The following ESRRG variants were observed in gnomAD, a reference collection of about 807,000 sequenced individuals.
ESRRG encodes estrogen-related receptor gamma.
ESRRG carries 13 observed loss-of-function variants against 44.0 expected under a neutral mutation model. That is an observed-to-expected ratio of 0.30 (90% CI 0.19 to 0.47). The LOEUF (loss-of-function observed/expected upper bound fraction) is 0.47, where lower values mean the gene tolerates loss of function less well. ESRRG is among the 20% of genes least tolerant of loss of function. ESRRG has a pLI of 1.00. For missense variants in ESRRG, 395 were observed against 580.6 expected, an observed-to-expected ratio of 0.68 and a Z score of 3.29; for synonymous variants, 215 against 214.6, an observed-to-expected ratio of 1.00 and a Z score of -0.02.
At chr1:216,710,435 C>A (rs542366070) in intron 1 of ESRRG, among the ~76,000 whole-genome samples, 8 of 152,156 alleles carry the variant, frequency 5.3e-5, no homozygotes, top group Admixed American at 2.6e-4. Flanking sequence ...AGTTTGCCTG[C>A]CACTAAACAA....
chr1:216,625,771 C>T (rs551481469), intron 3 of ESRRG, among the ~76,000 whole-genome samples: 119 of 152,316 alleles, frequency 7.8e-4, no homozygotes, highest in African/African-American at 2.8e-3. Context: ...TGAGCTTCTA[C>T]ATACATATAC....
intron 2 of ESRRG, among the ~76,000 whole-genome samples, chr1:216,933,220 C>T (rs538114177): frequency 8.5e-5 from 13 of 152,058 alleles, no homozygotes; most frequent in African/African-American, 2.9e-4. Context: ...ACAATATATG[C>T]TAATTATAAT....
intron 1 of ESRRG, among the ~76,000 whole-genome samples, chr1:217,082,565 A>G (rs1368204958): frequency 1.3e-5 from 2 of 152,100 alleles, no homozygotes; most frequent in African/African-American, 4.8e-5. Flanking sequence ...GGATACGTGC[A>G]CACACTAGTT....
intron 4 of ESRRG, 83 bp downstream of exon 4, chr1:216,567,905 A>T (rs1451458948): frequency 1.2e-6 from 1 of 838,226 alleles, no homozygotes; most frequent in East Asian, 2.5e-5. Context: ...GTCAGTAGGG[A>T]TGGGCATGCC....
intron 1 of ESRRG, among the ~76,000 whole-genome samples, chr1:217,017,715 G>GA (rs536345470): frequency 5.3e-5 from 8 of 151,596 alleles, no homozygotes; most frequent in South Asian, 2.1e-4. Context: ...AGGATTTCTG[G>GA]AAAAAAAATT....
chr1:216,839,545 GC>G (rs1173807200), intron 2 of ESRRG, among the ~76,000 whole-genome samples: 3 of 152,176 alleles, frequency 2.0e-5, no homozygotes, highest in African/African-American at 7.2e-5. Context: ...CACTATGACA[GC>G]TATAGCATTA....
At chr1:216,585,193 C>T (rs763794308) in intron 3 of ESRRG, among the ~76,000 whole-genome samples, 48 of 151,990 alleles carry the variant, frequency 3.2e-4, no homozygotes, top group Non-Finnish European at 1.3e-4. Flanking sequence ...ATGAGTATTA[C>T]GGATTTTGTT....
intron 2 of ESRRG, among the ~76,000 whole-genome samples, chr1:216,744,154 C>T (rs540410458): frequency 6.6e-6 from 1 of 152,194 alleles, no homozygotes; most frequent in Non-Finnish European, 1.5e-5. Context: ...GATAAGGAAC[C>T]ATGAGGGAGT....
Position 216,808,434 on chromosome 1 carries a change from T to C in ESRRG, c.-13-130943A>G, listed in dbSNP as rs142072644. ...ATCTAAAATTTATTTATATATGTATTTACGTATGTATTTATTGAGACAAGC... is the reference window on the plus strand; with the variant it reads ...ATCTAAAATTTATTTATATATGTATCTACGTATGTATTTATTGAGACAAGC... On this transcript the variant is annotated intron_variant, in intron 2 of 7. Coordinates refer to the ESRRG transcript ENST00000359162. 4.6e-4 allele frequency among the ~76,000 whole-genome samples: 70 copies of C among 152,194 alleles called. No homozygotes were observed. In the East Asian group the frequency reaches 0.012, roughly 26 times the overall value.
intron 2 of ESRRG, among the ~76,000 whole-genome samples, chr1:216,909,650 G>A (rs1416183861): frequency 6.6e-6 from 1 of 152,056 alleles, no homozygotes; most frequent in Non-Finnish European, 1.5e-5. Flanking sequence ...CTCCCAAATT[G>A]CTGGGAATAC....
chr1:216,725,691 T>TAC (rs201556885), upstream of ESRRG, among the ~76,000 whole-genome samples: 3 of 152,010 alleles, frequency 2.0e-5, no homozygotes, highest in Non-Finnish European at 2.9e-5. Flanking sequence ...TTAAAAAAGA[T>TAC]ACACACACAC....
chr1:217,109,795 A>G (rs2092640487), intron 1 of ESRRG, among the ~76,000 whole-genome samples: 1 of 152,170 alleles, frequency 6.6e-6, no homozygotes, highest in Admixed American at 6.5e-5. Context: ...AAGTTACAAA[A>G]CATGAGTGGA....
chr1:217,094,981 A>G (rs2092401457), intron 1 of ESRRG, among the ~76,000 whole-genome samples: 1 of 152,218 alleles, frequency 6.6e-6, no homozygotes, highest in African/African-American at 2.4e-5. Flanking sequence ...CTAGGGATCC[A>G]TGGATGAATT....
At chr1:216,992,052 T>C (rs1332638397) in intron 1 of ESRRG, among the ~76,000 whole-genome samples, 1 of 152,130 alleles carries the variant, frequency 6.6e-6, no homozygotes, top group Admixed American at 6.5e-5. Context: ...GCCAAGTTGA[T>C]TTTGGATTCC....
intron 2 of ESRRG, among the ~76,000 whole-genome samples, chr1:216,668,668 T>C (rs2074495510): frequency 6.6e-6 from 1 of 152,144 alleles, no homozygotes; most frequent in South Asian, 2.1e-4. Flanking sequence ...TGTTACTTTG[T>C]CTTAATTTAC....
At chr1:216,614,484 C>T (rs1016138663) in intron 3 of ESRRG, among the ~76,000 whole-genome samples, 6 of 152,112 alleles carry the variant, frequency 3.9e-5, no homozygotes, top group Non-Finnish European at 7.3e-5. Context: ...ACTCCAGCGA[C>T]CCTTTGTGTT....
At chr1:216,862,763 G>A (rs1161986065) in intron 2 of ESRRG, 8 of 152,164 alleles carry the variant, frequency 5.3e-5, no homozygotes, top group Admixed American at 5.2e-4. Flanking sequence ...AGGGGTCAGA[G>A]AAAAGGATTA....
In ESRRG at chr1:216,561,715, A is replaced by T. The variant is rs560426275; in HGVS notation, c.862+2504T>A. Among the ~76,000 whole-genome samples, 497 of 150,150 alleles carry T rather than the reference A, an allele frequency of 3.3e-3. 4 individuals are homozygous for T. The highest frequency in any genetic ancestry group is 0.011 in the African/African-American group (435 of 39,732). On this transcript the variant is annotated intron_variant, in intron 5 of 6. Transcript: ENST00000408911. Reference sequence around the variant, plus strand: ...ATAGGTATTATTAAATTTTTTTTTTAAATTTCTGTTAACTCTTGTTTTGCT... The same window carrying T: ...ATAGGTATTATTAAATTTTTTTTTTTAATTTCTGTTAACTCTTGTTTTGCT...
intron 2 of ESRRG, among the ~76,000 whole-genome samples, chr1:216,763,256 A>G (rs2092896436): frequency 1.4e-5 from 2 of 145,466 alleles, no homozygotes; most frequent in South Asian, 4.3e-4. Context: ...TTTTCAGGCC[A>G]TAACATGTTG....
Sources: allele counts gnomAD v4.1 joint callset (sites outside exome capture counted in the v4.1 genomes callset), GRCh38; gene constraint gnomAD v4.1.1; transcripts MANE v1.5; gene names NCBI Gene and HGNC (gene_info 2026-07-23, HGNC 2026-07-21).